The following SPTBN4 variants were observed in gnomAD, a reference collection of about 807,000 sequenced individuals.
The protein encoded by SPTBN4 is spectrin beta, non-erythrocytic 4.
In SPTBN4, 96 loss-of-function variants were observed where a neutral mutation model predicts 277.8. The observed-to-expected ratio is 0.35, with a 90% CI of 0.29 to 0.41. The LOEUF (loss-of-function observed/expected upper bound fraction) is 0.41, where lower values mean the gene tolerates loss of function less well. SPTBN4 is among the 10% of genes least tolerant of loss of function. SPTBN4 has a pLI of 1.00. For synonymous variants in SPTBN4, 1,481 were observed against 1,580.3 expected, an observed-to-expected ratio of 0.94 and a Z score of 1.49; for missense variants, 3,006 against 3,595.7, an observed-to-expected ratio of 0.84 and a Z score of 4.19.
chr19:40,563,783 A>T (rs2081066662), intron 27 of SPTBN4, among the ~76,000 whole-genome samples: 1 of 124,856 alleles, frequency 8.0e-6, no homozygotes, highest in Non-Finnish European at 1.6e-5. Flanking sequence ...TCATGCCTGT[A>T]ATCTCGGCTG....
chr19:40,478,582 G>A, intron 2 of SPTBN4, among the ~76,000 whole-genome samples: 1 of 152,224 alleles, frequency 6.6e-6, no homozygotes, highest in East Asian at 1.9e-4. Flanking sequence ...GTCTCGCTCT[G>A]TCACCCAGGC....
chr19:40,535,304 C>T (rs767873100), intron 20 of SPTBN4, among the ~76,000 whole-genome samples: 24 of 152,030 alleles, frequency 1.6e-4, no homozygotes, highest in African/African-American at 3.4e-4. Flanking sequence ...GCAACCCTCC[C>T]GCCTCAGCCT....
chr19:40,468,068 C>T (rs1036894983), intron 1 of SPTBN4, among the ~76,000 whole-genome samples: 24 of 146,284 alleles, frequency 1.6e-4, no homozygotes, highest in African/African-American at 6.0e-4. Context: ...GAAACGGGTA[C>T]GATTATCATT....
chr19:40,515,580 C>T lies in SPTBN4; in HGVS notation c.2903+132C>T, dbSNP rs1007342511. On this transcript the variant is annotated intron_variant, in intron 15 of 35. Transcript: ENST00000598249. This position sits in a 1 kb window ranked among gnomAD's most constrained non-coding sequence, Gnocchi z 4.1. ...CCCGATAAATCAACAAAATGTTGACCAAAAATCATAATCCCTGATACTGGT... is the reference window on the plus strand; with the variant it reads ...CCCGATAAATCAACAAAATGTTGACTAAAAATCATAATCCCTGATACTGGT... The T allele has an allele frequency of 1.8e-6, 2 of 1,107,590 alleles. No individual in the cohort carries two copies. The highest frequency in any genetic ancestry group is 2.4e-6 in the Non-Finnish European group (2 of 819,988). The allele number at this position is 1,107,590 out of a possible 1,614,324, so 68.6% of individuals were successfully genotyped here.
In SPTBN4 at chr19:40,572,094, C is replaced by T. The variant is rs145835537; in HGVS notation, c.7395C>T (p.Ser2465=). 6 of 1,613,108 alleles carry T rather than the reference C, an allele frequency of 3.7e-6. No individual in the cohort carries two copies. The highest frequency in any genetic ancestry group is 4.2e-6 in the Non-Finnish European group (5 of 1,179,542). ...GFYKDSKGPA[S]GSTHGGEPLL... is the part of the protein sequence containing the mutation. ...ACAAGGACTCCAAGGGCCCGGCATC[C>T]GGGAGCACACACGGTGGGGAACCGC... Residue 2465 remains serine (S), a synonymous_variant, in exon 34 of 36, where the codon TCC becomes TCT. Transcript: ENST00000598249.
chr19:40,502,780 G>A lies in SPTBN4; in HGVS notation c.1209G>A (p.Trp403Ter), dbSNP rs778441932. The A allele has an allele frequency of 6.2e-7, 1 of 1,613,774 alleles. No individual in the cohort carries two copies. Among genetic ancestry groups the A allele is most frequent in the Admixed American group, 1.7e-5 (1 of 59,992 alleles). ...CCTCCTCCCATCTCCTGCAGGCATG[G>A]GGTGAGCTGGAGAAGGCTGAGCATG... The part of the protein sequence containing the change: ...GCGIWDIDKA[W>*]GELEKAEHER... The change falls in exon 11 of 36, where the codon TGG becomes TGA. Residue 403 changes from tryptophan (W) to a stop codon, truncating the protein, a stop_gained. Coordinates refer to ENST00000598249, the MANE Select transcript of SPTBN4 (RefSeq NM_020971.3). LOFTEE classifies it high-confidence loss of function. The surrounding 1 kb of genome is among the most constrained non-coding windows in gnomAD (Gnocchi z 4.9).
In SPTBN4 at chr19:40,492,982, A is replaced by G; in HGVS notation, c.515A>G (p.Glu172Gly). 6.2e-7 allele frequency: 1 copy of G among 1,614,064 alleles called. No homozygotes were observed. The highest frequency in any genetic ancestry group is 8.5e-7 in the Non-Finnish European group (1 of 1,179,960). The change falls in exon 5 of 36, where the codon GAG becomes GGG. Residue 172 changes from glutamate (E) to glycine (G), a missense_variant. Physicochemically the swap from Glu to Gly is moderately conservative, Grantham distance 98 (BLOSUM62 -2). Transcript: ENST00000598249. ...LRFQIQVIKI[E>G]TEDNRETRSA... ...TCACAGATTCAAGTCATCAAAATTG[A>G]GACTGAGGACAACAGAGAGACACGC...
At chr19:40,536,393 T>C (rs965204477) in intron 20 of SPTBN4, among the ~76,000 whole-genome samples, 1 of 152,086 alleles carries the variant, frequency 6.6e-6, no homozygotes, top group Non-Finnish European at 1.5e-5. Flanking sequence ...TTTTTATTTT[T>C]AGTAGAGATG....
At position 40,519,929 on chromosome 19, in the gene SPTBN4, A is replaced by G. The variant is rs767431932; in HGVS notation, c.3432A>G (p.Glu1144=). The change falls in exon 16 of 36, where the codon GAA becomes GAG. Residue 1144 remains glutamate (E), a synonymous_variant. Coordinates refer to ENST00000598249, the MANE Select transcript of SPTBN4 (RefSeq NM_020971.3). The surrounding 1 kb of genome is among the most constrained non-coding windows in gnomAD (Gnocchi z 5.7). ...AGGAGGAGGTGGACCAGCGCGAGGA[A>G]GACTATGCTCGCATCGTGGCGGCCA... ...ALKEEVDQRE[E]DYARIVAASE... 1.3e-6 allele frequency: 2 copies of G among 1,559,268 alleles called. No homozygotes were observed. Among genetic ancestry groups the G allele is most frequent in the Non-Finnish European group, 8.6e-7 (1 of 1,159,874 alleles).
chr19:40,512,430 CGAG>C (rs2080400755), intron 13 of SPTBN4, among the ~76,000 whole-genome samples, 173 bp from the exon 14 acceptor site: 1 of 152,152 alleles, frequency 6.6e-6, no homozygotes, highest in Non-Finnish European at 1.5e-5. Context: ...CTGAGAGGGT[CGAG>C]GAGGAGCCTG....
chr19:40,526,023 C>A (rs1202026000), intron 17 of SPTBN4, among the ~76,000 whole-genome samples: 1 of 152,174 alleles, frequency 6.6e-6, no homozygotes, highest in African/African-American at 2.4e-5. Flanking sequence ...GGGGGCAGAG[C>A]CATACAGAGC....
chr19:40,569,061 T>C (rs1027598443), intron 31 of SPTBN4, among the ~76,000 whole-genome samples: 10 of 151,924 alleles, frequency 6.6e-5, no homozygotes, highest in South Asian at 4.2e-4. Context: ...ATGGGGGCGA[T>C]TGGGGGACTG....
At chr19:40,479,702 A>G (rs1031446413) in intron 2 of SPTBN4, among the ~76,000 whole-genome samples, 1 of 144,448 alleles carries the variant, frequency 6.9e-6, no homozygotes, top group Non-Finnish European at 1.5e-5. Flanking sequence ...ATATATATAT[A>G]TTTAACTTTT....
At chr19:40,574,651 C>T (rs958525501) in intron 35 of SPTBN4, among the ~76,000 whole-genome samples, 5 of 152,152 alleles carry the variant, frequency 3.3e-5, no homozygotes, top group African/African-American at 4.8e-5. Context: ...CATGAGCCAC[C>T]ACACCCGGCC....
At chr19:40,469,045 G>A (rs1395476685) in intron 1 of SPTBN4, among the ~76,000 whole-genome samples, 1 of 151,920 alleles carries the variant, frequency 6.6e-6, no homozygotes, top group Non-Finnish European at 1.5e-5. Flanking sequence ...GCTACAGGGA[G>A]CTATGATTGT....
At position 40,566,103 on chromosome 19, in the gene SPTBN4, A is replaced by C. The variant is rs1599818910; in HGVS notation, c.6140-60A>C. On this transcript the variant is annotated intron_variant, in intron 29 of 35. Coordinates refer to ENST00000598249, the MANE Select transcript of SPTBN4 (RefSeq NM_020971.3). The stretch of plus-strand genomic sequence containing the variant: ...GGTGTGGAAGGCCAGGGGAACAGCC[A>C]TTGCCCCCAGGAAGGGCCCCAGATG... The C allele has an allele frequency of 3.5e-6, 5 of 1,437,654 alleles. No individual in the cohort carries two copies. The East Asian group carries it at 1.3e-4, about 36-fold the overall frequency. The allele number at this position is 1,437,654 out of a possible 1,614,324, so 89.1% of individuals were successfully genotyped here.
At chr19:40,556,996 A>ACCCC (rs34510741) in intron 25 of SPTBN4, 27 bp from the exon 26 acceptor site, 75 of 1,365,014 alleles carry the variant, frequency 5.5e-5, no homozygotes, top group African/African-American at 3.4e-4. Flanking sequence ...ACTTTGCTGT[A>ACCCC]CCCCCCCCCC....
intron 17 of SPTBN4, among the ~76,000 whole-genome samples, chr19:40,528,589 C>T (rs768293113): frequency 6.6e-6 from 1 of 152,206 alleles, no homozygotes; most frequent in Non-Finnish European, 1.5e-5. Flanking sequence ...TGCCTCCTCT[C>T]TTTCGTCGTC....
chr19:40,530,346 C>T, intron 18 of SPTBN4: 1 of 194,582 alleles, frequency 5.1e-6, no homozygotes, highest in Non-Finnish European at 9.4e-6. Context: ...GCCCCCCACC[C>T]GAAGCCTTGG....
Sources: gnomAD v4.1 joint callset for allele counts (sites outside exome capture counted in the v4.1 genomes callset) on GRCh38, gnomAD v4.1.1 for gene constraint, Gnocchi (gnomAD v3.1) non-coding constraint, MANE v1.5 for transcripts, NCBI Gene and HGNC (gene_info 2026-07-23, HGNC 2026-07-21) for gene names.